Variants in LYPD6 observed in about 807,000 individuals in gnomAD.
LYPD6 encodes ly6/PLAUR domain-containing protein 6.
A neutral mutation model predicts 22.7 loss-of-function variants in LYPD6; 15 were observed. The ratio of observed to expected loss-of-function variants is 0.66; its 90% CI spans 0.44 to 1.02. The LOEUF is 1.02. LYPD6 is among the 50% of genes least tolerant of loss of function. The pLI, the probability that LYPD6 is intolerant of heterozygous loss-of-function variation, is 0.00. For missense variants in LYPD6, 189 were observed against 208.4 expected (o/e 0.91, Z 0.57); for synonymous variants, 72 against 77.5 (o/e 0.93, Z 0.37).
At chr2:149,336,501 G>A (rs1315941862) in intron 1 of LYPD6, among the ~76,000 whole-genome samples, 1 of 152,164 alleles carries the variant, frequency 6.6e-6, no homozygotes, top group African/African-American at 2.4e-5. Flanking sequence ...TGTCCACCAA[G>A]TTAAAGTCAG....
At chr2:149,483,379 C>T in the LYPD6 span, among the ~76,000 whole-genome samples, 31 of 152,160 alleles carry the variant, frequency 2.0e-4, no homozygotes, top group Non-Finnish European at 4.3e-4. Flanking sequence ...ATGTTGATTG[C>T]GTATCTGGGA....
chr2:149,360,216 G>T (rs1203307260), intron 1 of LYPD6, among the ~76,000 whole-genome samples: 2 of 152,186 alleles, frequency 1.3e-5, no homozygotes, highest in Non-Finnish European at 2.9e-5. Context: ...GGTCACTTTT[G>T]TCACCATCTT....
At position 149,426,956 on chromosome 2, in the gene LYPD6, G is replaced by A. The variant is rs183682560; in HGVS notation, c.-71-10682G>A. On this transcript the variant is annotated intron_variant, in intron 1 of 4. Coordinates refer to ENST00000334166, the MANE Select transcript of LYPD6 (RefSeq NM_194317.5). ...CAGTGGGCACTGCCAATAAAACTCAGTTCAAATAGTGCAGAATATCTCCAC... is the reference window on the plus strand; with the variant it reads ...CAGTGGGCACTGCCAATAAAACTCAATTCAAATAGTGCAGAATATCTCCAC... Among the ~76,000 whole-genome samples the A allele has an allele frequency of 4.6e-5, 7 of 152,306 alleles. No individual in the cohort carries two copies. In the East Asian group the frequency reaches 1.4e-3, roughly 29 times the overall value.
intron 1 of LYPD6, among the ~76,000 whole-genome samples, chr2:149,351,161 G>A (rs112015728): frequency 9.6e-4 from 146 of 152,202 alleles, no homozygotes; most frequent in African/African-American, 2.9e-3. Context: ...TTGGGAGACC[G>A]TACAGGTGGA....
chr2:149,368,992 C>A (rs1233588787), intron 1 of LYPD6, among the ~76,000 whole-genome samples: 1 of 152,076 alleles, frequency 6.6e-6, no homozygotes, highest in Non-Finnish European at 1.5e-5. Flanking sequence ...TTGTAGGAAT[C>A]TGAGCAGAGA....
chr2:149,340,581 C>T (rs921880409), intron 1 of LYPD6, among the ~76,000 whole-genome samples: 3 of 152,128 alleles, frequency 2.0e-5, no homozygotes, highest in East Asian at 1.9e-4. Flanking sequence ...CCAATTTTAC[C>T]GGCTACACCA....
intron 1 of LYPD6, among the ~76,000 whole-genome samples, chr2:149,434,437 T>C (rs532403585): frequency 1.3e-5 from 2 of 152,370 alleles, no homozygotes; most frequent in South Asian, 4.1e-4. Flanking sequence ...CTTGATATTG[T>C]GAATTTTTAA....
intron 1 of LYPD6, among the ~76,000 whole-genome samples, chr2:149,421,861 T>C (rs998765845): frequency 6.6e-6 from 1 of 152,120 alleles, no homozygotes; most frequent in Admixed American, 6.5e-5. Flanking sequence ...GAAAACACTT[T>C]TCAAATTTGA....
intron 3 of LYPD6, among the ~76,000 whole-genome samples, chr2:149,449,966 A>G (rs1018580295): frequency 5.3e-5 from 8 of 152,210 alleles, no homozygotes; most frequent in African/African-American, 1.9e-4. Context: ...CGAGTATTAT[A>G]TAAGAGTTCT....
In LYPD6 at chr2:149,472,449, G is replaced by C. The variant is rs1463675734; in HGVS notation, c.*1599G>C. ...CATGGCTAATAAAGAGGACAGTGTT[G>C]TCAGGGTCCATCTGCCCTCCATAGA... is the stretch of plus-strand genomic sequence containing the variant. On this transcript the variant is annotated 3_prime_UTR_variant, in exon 5 of 5. Transcript: ENST00000334166. 3.3e-5 allele frequency: 5 copies of C among 152,610 alleles called. No homozygotes were observed. The East Asian group carries it at 9.6e-4, about 29-fold the overall frequency. 9.5% of individuals were successfully genotyped at this position (152,610 alleles called of 1,614,324 possible).
chr2:149,392,970 G>A (rs1682345294), intron 1 of LYPD6, among the ~76,000 whole-genome samples: 1 of 152,190 alleles, frequency 6.6e-6, no homozygotes, highest in Non-Finnish European at 1.5e-5. Flanking sequence ...AGGATGCAGT[G>A]AGCCAAGATC....
Position 149,474,114 on chromosome 2 carries a change from G to C in LYPD6, c.*3264G>C, listed in dbSNP as rs913835676. ...CAATGAATTTATTATATTTTTCTTA[G>C]TAAAGTGATAGACATTGAAAGCAAG... On this transcript the variant is annotated 3_prime_UTR_variant, in exon 5 of 5. Coordinates refer to ENST00000334166, the MANE Select transcript of LYPD6 (RefSeq NM_194317.5). 1 of 152,118 alleles carries C rather than the reference G, an allele frequency of 6.6e-6. No individual in the cohort carries two copies. The highest frequency in any genetic ancestry group is 2.4e-5 in the African/African-American group (1 of 41,422). The allele number at this position is 152,118 out of a possible 1,614,324, so 9.4% of individuals were successfully genotyped here. A position where few individuals can be genotyped will look rare whatever the true frequency, so the allele number is the denominator to read the frequency against.
the LYPD6 span, among the ~76,000 whole-genome samples, chr2:149,481,507 T>C: frequency 6.6e-6 from 1 of 152,146 alleles, no homozygotes; most frequent in Non-Finnish European, 1.5e-5. Context: ...ATGAACAAAT[T>C]TGTTCCTTGA....
At chr2:149,450,612 C>T (rs539566562) in intron 3 of LYPD6, among the ~76,000 whole-genome samples, 7 of 152,128 alleles carry the variant, frequency 4.6e-5, no homozygotes, top group Non-Finnish European at 7.4e-5. Context: ...TCTGAGTAAT[C>T]GAAAATAAGT....
chr2:149,350,812 C>G (rs148484172), intron 1 of LYPD6, among the ~76,000 whole-genome samples: 1 of 152,328 alleles, frequency 6.6e-6, no homozygotes, highest in East Asian at 1.9e-4. Context: ...CCAGCCAAAG[C>G]TAACAATTCA....
intron 1 of LYPD6, chr2:149,370,739 C>G (rs1367048632): frequency 6.6e-6 from 1 of 152,144 alleles, no homozygotes; most frequent in African/African-American, 2.4e-5. Context: ...GAGAAGCAAA[C>G]ATAAAAATAT....
In LYPD6 at chr2:149,348,061, C is replaced by CAAA. The variant is rs58228847; in HGVS notation, c.-72+17361_-72+17363dup. 8.0e-3 allele frequency among the ~76,000 whole-genome samples: 611 copies of CAAA among 76,596 alleles called. 1 individual carries two copies. The highest frequency in any genetic ancestry group is 0.011 in the Non-Finnish European group (439 of 38,472). The allele number at this position is 76,596 out of a possible 152,430, so 50.2% of individuals were successfully genotyped here. Reference sequence around the variant, plus strand: ...CGAAACCCTGACTCTACTAAAAATACAAAAAAAAAAAAAAAAAAAAAAAAG... The same window carrying CAAA: ...CGAAACCCTGACTCTACTAAAAATACAAAAAAAAAAAAAAAAAAAAAAAAAAAG... On this transcript the variant is annotated intron_variant, in intron 1 of 4. Coordinates refer to ENST00000334166, the MANE Select transcript of LYPD6 (RefSeq NM_194317.5).
At chr2:149,419,838 G>C (rs1296768249) in intron 1 of LYPD6, among the ~76,000 whole-genome samples, 4 of 152,054 alleles carry the variant, frequency 2.6e-5, no homozygotes, top group Non-Finnish European at 5.9e-5. Flanking sequence ...GGGTGTGTGT[G>C]TGTGTGTGTG....
intron 1 of LYPD6, among the ~76,000 whole-genome samples, chr2:149,407,150 C>T (rs1158596527): frequency 1.3e-5 from 2 of 152,232 alleles, no homozygotes; most frequent in Non-Finnish European, 2.9e-5. Context: ...ACCGTTCTCT[C>T]TGGCTGCCCT....
Sources: gnomAD v4.1 joint callset for allele counts (sites outside exome capture counted in the v4.1 genomes callset) on GRCh38, gnomAD v4.1.1 for gene constraint, MANE v1.5 for transcripts, NCBI Gene and HGNC (gene_info 2026-07-23, HGNC 2026-07-21) for gene names.